The following ENTPD3 variants were observed in gnomAD, a reference collection of about 807,000 sequenced individuals.
ENTPD3 encodes ectonucleoside triphosphate diphosphohydrolase 3, also known as CD39 antigen-like 3.
ENTPD3 carries 60 observed loss-of-function variants against 51.2 expected under a neutral mutation model. That is an observed-to-expected ratio of 1.17 (90% CI 0.95 to 1.45). The LOEUF is 1.45. Ranked by LOEUF, ENTPD3 falls within the 40% of genes most tolerant of loss-of-function variation. The probability of loss-of-function intolerance (pLI) is 0.00; values close to 1 mark genes in which losing one functional copy is unlikely to be tolerated. For synonymous variants in ENTPD3, 221 were observed against 238.4 expected, an observed-to-expected ratio of 0.93 and a Z score of 0.67; for missense variants, 593 against 641.1, an observed-to-expected ratio of 0.93 and a Z score of 0.81.
At chr3:40,424,121 A>C (rs1040844164) in intron 10 of ENTPD3, 158 bp downstream of exon 10, 4 of 985,328 alleles carry the variant, frequency 4.1e-6, no homozygotes, top group Non-Finnish European at 4.8e-6. Context: ...AGAAGAGGTC[A>C]TGGAGAATTT....
At chr3:40,420,866 G>C (rs1955854599) in intron 7 of ENTPD3, among the ~76,000 whole-genome samples, 1 of 151,960 alleles carries the variant, frequency 6.6e-6, no homozygotes, top group Non-Finnish European at 1.5e-5. Context: ...AGATTTTACT[G>C]TAGGGTGGCC....
chr3:40,420,623 C>T (rs1290503287), intron 7 of ENTPD3, among the ~76,000 whole-genome samples: 1 of 152,016 alleles, frequency 6.6e-6, no homozygotes, highest in African/African-American at 2.4e-5. Flanking sequence ...TTTTGAAAAT[C>T]ATAGATTTTT....
chr3:40,406,057 G>A (rs6599101), intron 4 of ENTPD3, among the ~76,000 whole-genome samples: 24,589 of 152,148 alleles, frequency 0.16, 5,418 homozygotes, highest in African/African-American at 0.5. Context: ...AAAAATAAAC[G>A]GGCATATAAC....
At chr3:40,394,667 C>A (rs1012816009) in intron 3 of ENTPD3, among the ~76,000 whole-genome samples, 2 of 152,182 alleles carry the variant, frequency 1.3e-5, no homozygotes, top group Non-Finnish European at 2.9e-5. Flanking sequence ...TTCTCCCTGA[C>A]CCTGAGTTCT....
At position 40,387,927 on chromosome 3, in the gene ENTPD3, G is replaced by C. The variant is rs1000555314; in HGVS notation, c.-12-119G>C. 3 of 747,904 alleles carry C rather than the reference G, an allele frequency of 4.0e-6. No homozygotes were observed. The African/African-American group carries it at 5.2e-5, about 13-fold the overall frequency. The allele number at this position is 747,904 out of a possible 1,614,324, so 46.3% of individuals were successfully genotyped here. A position where few individuals can be genotyped will look rare whatever the true frequency, so the allele number is the denominator to read the frequency against. On this transcript the variant is annotated intron_variant, in intron 1 of 10. Coordinates refer to ENST00000301825, the MANE Select transcript of ENTPD3 (RefSeq NM_001248.4). ...TTCTGGGGTTCGGCTTACCTTTCCC[G>C]GGATGAGGTTTTGATTTGGAGGAAG... is the stretch of plus-strand genomic sequence containing the variant.
intron 2 of ENTPD3, chr3:40,390,949 T>C (rs1955039106): frequency 1.3e-5 from 2 of 152,164 alleles, no homozygotes. Context: ...TATAGTATAG[T>C]ACTAATTTTT....
At chr3:40,423,999 C>A (rs1387703080) in intron 10 of ENTPD3, 36 bp downstream of exon 10, 1 of 1,613,434 alleles carries the variant, frequency 6.2e-7, no homozygotes. Flanking sequence ...CTTCTTCTTC[C>A]CAACAGAGAG....
At chr3:40,421,109 C>T (rs1272610460) in intron 7 of ENTPD3, among the ~76,000 whole-genome samples, 11 of 151,442 alleles carry the variant, frequency 7.3e-5, no homozygotes, top group African/African-American at 1.2e-4. Flanking sequence ...CTGCAACCTC[C>T]GCCTCCCGGG....
At chr3:40,407,307 A>G (rs755537163) in intron 4 of ENTPD3, among the ~76,000 whole-genome samples, 2 of 152,130 alleles carry the variant, frequency 1.3e-5, no homozygotes, top group African/African-American at 2.4e-5. Context: ...GAAAACAGCC[A>G]TAGACAACAG....
At chr3:40,406,141 C>A in intron 4 of ENTPD3, among the ~76,000 whole-genome samples, 1 of 152,178 alleles carries the variant, frequency 6.6e-6, no homozygotes, top group African/African-American at 2.4e-5. Context: ...CTGTTTTGAA[C>A]AGGATTGTCA....
At position 40,401,002 on chromosome 3, in the gene ENTPD3, A is replaced by G; in HGVS notation, c.277A>G (p.Ser93Gly). Residue 93 changes from serine to glycine, a missense_variant, in exon 4 of 11, where the codon AGT (serine) becomes GGT (glycine). Coordinates refer to ENST00000301825, the MANE Select transcript of ENTPD3 (RefSeq NM_001248.4). The stretch of plus-strand genomic sequence containing the variant: ...AGTGGTCAGTCAAACCTTCAAATGT[A>G]GTGTGAAAGGTAAGGACTGAAGTGT... ...TGVVSQTFKC[S>G]VKGSGISSYG... 6.2e-7 allele frequency: 1 copy of G among 1,612,308 alleles called. No individual in the cohort carries two copies. Among genetic ancestry groups the G allele is most frequent in the South Asian group, 1.1e-5 (1 of 91,030 alleles).
In ENTPD3 at chr3:40,400,650, G is replaced by T. The variant is rs550846694; in HGVS notation, c.169-244G>T. On this transcript the variant is annotated intron_variant, in intron 3 of 10. Coordinates refer to ENST00000301825, the MANE Select transcript of ENTPD3 (RefSeq NM_001248.4). The stretch of plus-strand genomic sequence containing the variant: ...TTGGGGGATTTTTTAAGCTCTCCAG[G>T]TGATTCTAATGCATTGCAAAGTGAT... Among the ~76,000 whole-genome samples the T allele has an allele frequency of 2.6e-5, 4 of 152,246 alleles. No homozygotes were observed. In the East Asian group the frequency reaches 7.7e-4, roughly 29 times the overall value.
intron 3 of ENTPD3, among the ~76,000 whole-genome samples, chr3:40,399,127 C>T (rs966420641): frequency 2.6e-5 from 4 of 152,062 alleles, no homozygotes; most frequent in Non-Finnish European, 4.4e-5. Flanking sequence ...AAAGCTGGGG[C>T]TGAGAATCGA....
chr3:40,424,485 G>C (rs1438843837), intron 10 of ENTPD3, among the ~76,000 whole-genome samples: 2 of 152,142 alleles, frequency 1.3e-5, no homozygotes, highest in Admixed American at 1.3e-4. Flanking sequence ...GAATGAACCT[G>C]AAGTCATTAT....
Position 40,388,080 on chromosome 3 carries a change from A to G in ENTPD3, c.23A>G (p.Gln8Arg). Residue 8 changes from glutamine (Q) to arginine (R), a missense_variant, in exon 2 of 11, where the codon CAA becomes CGA. Coordinates refer to ENST00000301825, the MANE Select transcript of ENTPD3 (RefSeq NM_001248.4). ...AAGATGTTCACTGTGCTGACCCGCCAACCATGTGAGCAAGCAGGTTAGTAT... is the reference window on the plus strand; with the variant it reads ...AAGATGTTCACTGTGCTGACCCGCCGACCATGTGAGCAAGCAGGTTAGTAT... The part of the protein sequence containing the change: MFTVLTR[Q>R]PCEQAGLKAL... The G allele has an allele frequency of 6.2e-7, 1 of 1,614,168 alleles. No individual in the cohort carries two copies. Among genetic ancestry groups the G allele is most frequent in the Non-Finnish European group, 8.5e-7 (1 of 1,180,016 alleles).
Position 40,423,951 on chromosome 3 carries a change from C to T in ENTPD3, c.1341C>T (p.His447=), listed in dbSNP as rs2125612570. 4 of 1,614,108 alleles carry T rather than the reference C, an allele frequency of 2.5e-6. No individual in the cohort carries two copies. The highest frequency in any genetic ancestry group is 2.5e-6 in the Non-Finnish European group (3 of 1,179,980). ...KFTEETWPQI[H]FEKEVGNSSI... is the part of the protein sequence containing the mutation. The stretch of plus-strand genomic sequence containing the variant: ...CAGAGGAGACTTGGCCCCAAATACA[C>T]TTTGAAAAAGAAGTAAGTTAAGCAC... The change falls in exon 10 of 11, where the codon CAC becomes CAT. Residue 447 remains histidine, a synonymous_variant. Transcript: ENST00000301825.
intron 5 of ENTPD3, among the ~76,000 whole-genome samples, chr3:40,412,898 C>G (rs938635887): frequency 6.6e-6 from 1 of 152,196 alleles, no homozygotes; most frequent in Non-Finnish European, 1.5e-5. Context: ...GATTTCTCTG[C>G]TCACTCTTGG....
intron 10 of ENTPD3, among the ~76,000 whole-genome samples, chr3:40,426,849 AATAG>A (rs1383288932): frequency 1.3e-5 from 2 of 152,214 alleles, no homozygotes; most frequent in Non-Finnish European, 1.5e-5. Flanking sequence ...GTAAAGCAAA[AATAG>A]ATAGAACTAC....
At position 40,423,404 on chromosome 3, in the gene ENTPD3, C is replaced by T. The variant is rs1321262277; in HGVS notation, c.1215+3C>T. On this transcript the variant is annotated splice_donor_region_variant and intron_variant, in intron 9 of 10. Coordinates refer to ENST00000301825, the MANE Select transcript of ENTPD3 (RefSeq NM_001248.4). ...TCTGCTCACAGAATTGGAGTCAGGT[C>T]AGTATTTAAAGAGAAGGGATCAATG... 3.1e-6 allele frequency: 5 copies of T among 1,595,606 alleles called. No homozygotes were observed. The highest frequency in any genetic ancestry group is 4.3e-6 in the Non-Finnish European group (5 of 1,163,630).
Sources: allele counts gnomAD v4.1 joint callset (sites outside exome capture counted in the v4.1 genomes callset), GRCh38; gene constraint gnomAD v4.1.1; transcripts MANE v1.5; gene names NCBI Gene and HGNC (gene_info 2026-07-23, HGNC 2026-07-21).